Variants in OR6C65 observed in about 807,000 individuals in gnomAD.
OR6C65 encodes the protein olfactory receptor family 6 subfamily C member 65, also known as olfactory receptor 6C65.
For missense variants in OR6C65, 379 were observed against 366.2 expected (o/e 1.03, Z -0.29); for synonymous variants, 126 against 127.5 (o/e 0.99, Z 0.08).
Position 55,401,327 on chromosome 12 carries a change from G to C in OR6C65, c.799G>C (p.Ala267Pro), listed in dbSNP as rs751875427. ...CVKTSAKEGM[A>P]LSKGVAVLNT... ...AAAAACATCTGCAAAAGAAGGTATG[G>C]CTTTGAGCAAAGGTGTAGCAGTGCT... is the stretch of plus-strand genomic sequence containing the variant. The change falls in exon 1 of 1, where the codon GCT (alanine) becomes CCT (proline). Residue 267 changes from alanine (A) to proline (P), a missense_variant. Physicochemically the swap from Ala to Pro is conservative, Grantham distance 27. Transcript: ENST00000379665. 144 of 1,613,892 alleles carry C rather than the reference G, an allele frequency of 8.9e-5. No homozygotes were observed. Among genetic ancestry groups the C allele is most frequent in the Non-Finnish European group, 1.2e-4 (141 of 1,179,970 alleles).
Position 55,400,886 on chromosome 12 carries a change from C to T in OR6C65, c.358C>T (p.Arg120Cys), listed in dbSNP as rs146463326. ...TCTTCTGGCTGTCATGTCTTATGAT[C>T]GCTATGTGGCTATCTGCAAACCTCT... ...FFLLAVMSYD[R>C]YVAICKPLHY... Residue 120 changes from arginine to cysteine, a missense_variant, in exon 1 of 1, where the codon CGC becomes TGC. Arg to Cys is a radical substitution (Grantham distance 180, BLOSUM62 -3). Transcript: ENST00000379665. The T allele has an allele frequency of 5.5e-5, 89 of 1,613,022 alleles. No individual in the cohort carries two copies. In the African/African-American group the frequency reaches 8.4e-4, roughly 15 times the overall value.
Position 55,400,642 on chromosome 12 carries a change from T to G in OR6C65, c.114T>G (p.Ser38Arg). 6.2e-7 allele frequency: 1 copy of G among 1,601,614 alleles called. No homozygotes were observed. The highest frequency in any genetic ancestry group is 8.5e-7 in the Non-Finnish European group (1 of 1,169,790). ...FMLITYLLSVSGNMIIIMLTL... is the reference protein window; with the variant it reads ...FMLITYLLSVRGNMIIIMLTL... ...TGATCACATACTTATTGAGTGTAAG[T>G]GGAAACATGATCATCATTATGTTAA... The change falls in exon 1 of 1, where the codon AGT becomes AGG. Residue 38 changes from serine (S) to arginine (R), a missense_variant. Transcript: ENST00000379665.
rs79807163 is a variant in OR6C65 at position 55,400,594 on chromosome 12, A to T, written c.66A>T (p.Gln22His). 3 of 1,576,998 alleles carry T rather than the reference A, an allele frequency of 1.9e-6. No individual in the cohort carries two copies. Among genetic ancestry groups the T allele is most frequent in the Non-Finnish European group, 2.6e-6 (3 of 1,160,472 alleles). The change falls in exon 1 of 1, where the codon CAA becomes CAT. Residue 22 changes from glutamine (Q) to histidine (H), a missense_variant. By Grantham distance (24) the Gln-to-His change is conservative (BLOSUM62 0). Coordinates refer to ENST00000379665, the MANE Select transcript of OR6C65 (RefSeq NM_001005518.1). The stretch of plus-strand genomic sequence containing the variant: ...GATTTACAGATAACCCAGAGTTACA[A>T]GTTGTGATATTCTTCTTTATGTTGA... Reference protein sequence around the residue: ...LLGFTDNPELQVVIFFFMLIT... With the variant: ...LLGFTDNPELHVVIFFFMLIT...
In OR6C65 at chr12:55,400,906, A is replaced by G; in HGVS notation, c.378A>G (p.Lys126=). The part of the protein sequence containing the change: ...MSYDRYVAIC[K]PLHYTTIMSN... ...ATGATCGCTATGTGGCTATCTGCAA[A>G]CCTCTACATTATACAACCATCATGA... The change falls in exon 1 of 1, where the codon AAA becomes AAG. Residue 126 remains lysine, a synonymous_variant. Transcript: ENST00000379665. The G allele has an allele frequency of 1.2e-6, 2 of 1,613,876 alleles. No homozygotes were observed. The highest frequency in any genetic ancestry group is 1.7e-6 in the Non-Finnish European group (2 of 1,179,916).
Position 55,401,373 on chromosome 12 carries a change from T to A in OR6C65, c.845T>A (p.Met282Lys), listed in dbSNP as rs768550494. Residue 282 changes from methionine to lysine, a missense_variant, in exon 1 of 1, where the codon ATG (methionine) becomes AAG (lysine). Met to Lys is a moderately conservative substitution (Grantham distance 95). Coordinates refer to ENST00000379665, the MANE Select transcript of OR6C65 (RefSeq NM_001005518.1). ...GTGCTTAATACCTCTGTTGCTCCTA[T>A]GTTGAATCCCTTTATTTATACCTTA... The part of the protein sequence containing the change: ...VAVLNTSVAP[M>K]LNPFIYTLRN... 7 of 1,613,660 alleles carry A rather than the reference T, an allele frequency of 4.3e-6. No individual in the cohort carries two copies. The African/African-American group carries it at 8.0e-5, about 18-fold the overall frequency.
At position 55,401,301 on chromosome 12, in the gene OR6C65, TA is replaced by T. The variant is rs1237732138; in HGVS notation, c.778del (p.Thr260HisfsTer9). On this transcript the variant is annotated frameshift_variant, in exon 1 of 1. Transcript: ENST00000379665. LOFTEE classifies it low-confidence loss of function (END_TRUNC). ...VSYGSCIFMC[V>X]KTSAKEGMAL... ...TATGGGAGTTGCATTTTTATGTGTG[TA>T]AAAACATCTGCAAAAGAAGGTATGG... The T allele has an allele frequency of 6.2e-7, 1 of 1,614,152 alleles. No homozygotes were observed. The highest frequency in any genetic ancestry group is 8.5e-7 in the Non-Finnish European group (1 of 1,180,020).
Position 55,401,158 on chromosome 12 carries a change from C to T in OR6C65, c.630C>T (p.Ala210=), listed in dbSNP as rs1260028084. 1 of 1,614,086 alleles carries T rather than the reference C, an allele frequency of 6.2e-7. No individual in the cohort carries two copies. The highest frequency in any genetic ancestry group is 1.1e-5 in the South Asian group (1 of 91,072). The part of the protein sequence containing the change: ...LAVFTLMVTL[A]LVVLSYTLIL... ...TATTCACACTCATGGTAACTTTGGC[C>T]TTGGTGGTTCTCTCCTACACACTCA... is the stretch of plus-strand genomic sequence containing the variant. Residue 210 remains alanine, a synonymous_variant, in exon 1 of 1, where the codon GCC becomes GCT. Transcript: ENST00000379665.
In OR6C65 at chr12:55,400,786, A is replaced by T. The variant is rs781562006; in HGVS notation, c.258A>T (p.Gly86=). 1 of 1,612,866 alleles carries T rather than the reference A, an allele frequency of 6.2e-7. No individual in the cohort carries two copies. The highest frequency in any genetic ancestry group is 1.3e-5 in the African/African-American group (1 of 74,920). ...GATTTCTGATCAACATTGCTACAGG[A>T]GACACAACCATTTCCTATAATGCTT... The part of the protein sequence containing the change: ...IPRFLINIAT[G]DTTISYNASM... The change falls in exon 1 of 1, where the codon GGA becomes GGT. Residue 86 remains glycine (G), a synonymous_variant. Transcript: ENST00000379665.
chr12:55,400,669 A>T lies in OR6C65; in HGVS notation c.141A>T (p.Thr47=), dbSNP rs771355047. ...GAAACATGATCATCATTATGTTAACATTGTCAAATATTCATTTGAAAACTC... is the reference window on the plus strand; with the variant it reads ...GAAACATGATCATCATTATGTTAACTTTGTCAAATATTCATTTGAAAACTC... ...VSGNMIIIML[T]LSNIHLKTPM... The change falls in exon 1 of 1, where the codon ACA becomes ACT. Residue 47 remains threonine (T), a synonymous_variant. Transcript: ENST00000379665. 8 of 1,604,778 alleles carry T rather than the reference A, an allele frequency of 5.0e-6. No individual in the cohort carries two copies. Among genetic ancestry groups the T allele is most frequent in the Non-Finnish European group, 6.8e-6 (8 of 1,172,398 alleles).
chr12:55,401,028 G>A lies in OR6C65; in HGVS notation c.500G>A (p.Cys167Tyr), dbSNP rs775182964. 6.2e-7 allele frequency: 1 copy of A among 1,613,918 alleles called. No individual in the cohort carries two copies. Among genetic ancestry groups the A allele is most frequent in the Non-Finnish European group, 8.5e-7 (1 of 1,179,970 alleles). ...ATTATGGGCCTCCAACTGGATTTTT[G>A]TGACTCCAGCACTATTGACCATTTC... is the stretch of plus-strand genomic sequence containing the variant. ...PVIMGLQLDF[C>Y]DSSTIDHFIC... Residue 167 changes from cysteine (C) to tyrosine (Y), a missense_variant, in exon 1 of 1, where the codon TGT becomes TAT. Cys to Tyr is a radical substitution (Grantham distance 194, BLOSUM62 -2). Transcript: ENST00000379665.
Position 55,400,583 on chromosome 12 carries a change from C to A in OR6C65, c.55C>A (p.Pro19Thr), listed in dbSNP as rs1361044530. The A allele has an allele frequency of 6.4e-7, 1 of 1,568,306 alleles. No homozygotes were observed. Among genetic ancestry groups the A allele is most frequent in the Non-Finnish European group, 8.6e-7 (1 of 1,157,518 alleles). ...CATTCTTCTGGGATTTACAGATAACCCAGAGTTACAAGTTGTGATATTCTT... is the reference window on the plus strand; with the variant it reads ...CATTCTTCTGGGATTTACAGATAACACAGAGTTACAAGTTGTGATATTCTT... ...EFILLGFTDN[P>T]ELQVVIFFFM... The change falls in exon 1 of 1, where the codon CCA becomes ACA. Residue 19 changes from proline to threonine, a missense_variant. Coordinates refer to ENST00000379665, the MANE Select transcript of OR6C65 (RefSeq NM_001005518.1).
Position 55,401,278 on chromosome 12 carries a change from T to C in OR6C65, c.750T>C (p.Tyr250=), listed in dbSNP as rs1028229472. 12 of 1,614,026 alleles carry C rather than the reference T, an allele frequency of 7.4e-6. No homozygotes were observed. In the African/African-American group the frequency reaches 1.6e-4, roughly 22 times the overall value. Residue 250 remains tyrosine (Y), a synonymous_variant, in exon 1 of 1, where the codon TAT becomes TAC. Coordinates refer to ENST00000379665, the MANE Select transcript of OR6C65 (RefSeq NM_001005518.1). ...ATATGATTGTGGTTTCTGTTTCTTA[T>C]GGGAGTTGCATTTTTATGTGTGTAA... The part of the protein sequence containing the change: ...SSHMIVVSVS[Y]GSCIFMCVKT...
Position 55,400,893 on chromosome 12 carries a change from TG to T in OR6C65, c.367del (p.Ala123LeufsTer12), listed in dbSNP as rs765726738. The part of the protein sequence containing the change: ...LLAVMSYDRY[V>X]AICKPLHYTT... Reference sequence around the variant, plus strand: ...GCTGTCATGTCTTATGATCGCTATGTGGCTATCTGCAAACCTCTACATTATA... The same window carrying T: ...GCTGTCATGTCTTATGATCGCTATGTGCTATCTGCAAACCTCTACATTATA... On this transcript the variant is annotated frameshift_variant, in exon 1 of 1. Transcript: ENST00000379665. LOFTEE classifies it low-confidence loss of function (END_TRUNC). 1.4e-4 allele frequency: 222 copies of T among 1,614,000 alleles called. 3 individuals carry two copies. The South Asian group carries it at 2.3e-3, about 17-fold the overall frequency.
Position 55,401,265 on chromosome 12 carries a change from T to C in OR6C65, c.737T>C (p.Val246Ala). 1 of 1,614,038 alleles carries C rather than the reference T, an allele frequency of 6.2e-7. No homozygotes were observed. Among genetic ancestry groups the C allele is most frequent in the Non-Finnish European group, 8.5e-7 (1 of 1,179,976 alleles). Residue 246 changes from valine (V) to alanine (A), a missense_variant, in exon 1 of 1, where the codon GTT (valine) becomes GCT (alanine). Val to Ala is a moderately conservative substitution (Grantham distance 64). Transcript: ENST00000379665. Reference protein sequence around the residue: ...FSTCSSHMIVVSVSYGSCIFM... With the variant: ...FSTCSSHMIVASVSYGSCIFM... ...ACTTGTTCCTCCCATATGATTGTGGTTTCTGTTTCTTATGGGAGTTGCATT... is the reference window on the plus strand; with the variant it reads ...ACTTGTTCCTCCCATATGATTGTGGCTTCTGTTTCTTATGGGAGTTGCATT...
Position 55,400,614 on chromosome 12 carries a change from T to A in OR6C65, c.86T>A (p.Met29Lys). The A allele has an allele frequency of 1.3e-6, 2 of 1,590,124 alleles. No individual in the cohort carries two copies. The highest frequency in any genetic ancestry group is 1.7e-6 in the Non-Finnish European group (2 of 1,165,098). ...PELQVVIFFF[M>K]LITYLLSVSG... ...TTACAAGTTGTGATATTCTTCTTTA[T>A]GTTGATCACATACTTATTGAGTGTA... Residue 29 changes from methionine to lysine, a missense_variant, in exon 1 of 1, where the codon ATG becomes AAG. Met to Lys is a moderately conservative substitution (Grantham distance 95). Coordinates refer to ENST00000379665, the MANE Select transcript of OR6C65 (RefSeq NM_001005518.1).
At position 55,401,187 on chromosome 12, in the gene OR6C65, T is replaced by A; in HGVS notation, c.659T>A (p.Leu220His). The A allele has an allele frequency of 6.2e-7, 1 of 1,614,164 alleles. No individual in the cohort carries two copies. The highest frequency in any genetic ancestry group is 1.1e-5 in the South Asian group (1 of 91,086). The change falls in exon 1 of 1, where the codon CTT (leucine) becomes CAT (histidine). Residue 220 changes from leucine (L) to histidine (H), a missense_variant. Leu to His is a moderately conservative substitution (Grantham distance 99). Coordinates refer to ENST00000379665, the MANE Select transcript of OR6C65 (RefSeq NM_001005518.1). ...GTGGTTCTCTCCTACACACTCATCC[T>A]TAAAACAATTCTGAAGATTCCCTCT... is the stretch of plus-strand genomic sequence containing the variant. ...ALVVLSYTLILKTILKIPSAQ... is the reference protein window; with the variant it reads ...ALVVLSYTLIHKTILKIPSAQ...
In OR6C65 at chr12:55,401,335, C is replaced by G; in HGVS notation, c.807C>G (p.Ser269Arg). Residue 269 changes from serine (S) to arginine (R), a missense_variant, in exon 1 of 1, where the codon AGC becomes AGG. Physicochemically the swap from Ser to Arg is moderately radical, Grantham distance 110. Transcript: ENST00000379665. Reference protein sequence around the residue: ...KTSAKEGMALSKGVAVLNTSV... With the variant: ...KTSAKEGMALRKGVAVLNTSV... ...CTGCAAAAGAAGGTATGGCTTTGAGCAAAGGTGTAGCAGTGCTTAATACCT... is the reference window on the plus strand; with the variant it reads ...CTGCAAAAGAAGGTATGGCTTTGAGGAAAGGTGTAGCAGTGCTTAATACCT... 1 of 1,613,988 alleles carries G rather than the reference C, an allele frequency of 6.2e-7. No individual in the cohort carries two copies. Among genetic ancestry groups the G allele is most frequent in the Non-Finnish European group, 8.5e-7 (1 of 1,179,936 alleles).
chr12:55,400,698 T>C lies in OR6C65; in HGVS notation c.170T>C (p.Met57Thr), dbSNP rs200090491. The C allele has an allele frequency of 1.2e-6, 2 of 1,607,936 alleles. No homozygotes were observed. The highest frequency in any genetic ancestry group is 1.3e-5 in the African/African-American group (1 of 74,852). ...TCAAATATTCATTTGAAAACTCCTA[T>C]GTATTTCTTCCTCAGGAATTTCTCT... ...TLSNIHLKTP[M>T]YFFLRNFSFL... The change falls in exon 1 of 1, where the codon ATG (methionine) becomes ACG (threonine). Residue 57 changes from methionine to threonine, a missense_variant. Physicochemically the swap from Met to Thr is moderately conservative, Grantham distance 81. Coordinates refer to ENST00000379665, the MANE Select transcript of OR6C65 (RefSeq NM_001005518.1).
In OR6C65 at chr12:55,400,970, C is replaced by G. The variant is rs1438787292; in HGVS notation, c.442C>G (p.Leu148Val). ...TAATTGGCTTGTAATCAGCTCCTGGCTGGCTGGTTTTCTCATTATTTTTCC... is the reference window on the plus strand; with the variant it reads ...TAATTGGCTTGTAATCAGCTCCTGGGTGGCTGGTTTTCTCATTATTTTTCC... ...VCNWLVISSWLAGFLIIFPPV... is the reference protein window; with the variant it reads ...VCNWLVISSWVAGFLIIFPPV... Residue 148 changes from leucine (L) to valine (V), a missense_variant, in exon 1 of 1, where the codon CTG (leucine) becomes GTG (valine). Physicochemically the swap from Leu to Val is conservative, Grantham distance 32. Coordinates refer to ENST00000379665, the MANE Select transcript of OR6C65 (RefSeq NM_001005518.1). The G allele has an allele frequency of 6.2e-7, 1 of 1,614,118 alleles. No homozygotes were observed. Among genetic ancestry groups the G allele is most frequent in the Non-Finnish European group, 8.5e-7 (1 of 1,179,980 alleles).
Sources: allele counts gnomAD v4.1 joint callset, GRCh38; gene constraint gnomAD v4.1.1; transcripts MANE v1.5; gene names NCBI Gene and HGNC (gene_info 2026-07-23, HGNC 2026-07-21).